Variants in CLCN5 observed in about 807,000 individuals in gnomAD.
CLCN5 encodes the protein H(+)/Cl(-) exchange transporter 5.
CLCN5 carries 17 observed loss-of-function variants against 54.0 expected under a neutral mutation model. The observed-to-expected ratio is 0.31, with a 90% CI of 0.22 to 0.47. The LOEUF (loss-of-function observed/expected upper bound fraction) is 0.47. Ranked by LOEUF, CLCN5 falls within the 20% of genes least tolerant of loss-of-function variation. The pLI, the probability that CLCN5 is intolerant of heterozygous loss-of-function variation, is 1.00. For synonymous variants in CLCN5, 222 were observed against 233.0 expected (o/e 0.95, Z 0.43); for missense variants, 448 against 646.7 (o/e 0.69, Z 3.33).
chrX:50,013,124 C>T (rs937408162), intron 3 of CLCN5: 3 of 230,847 alleles, frequency 1.3e-5, no homozygotes, highest in Middle Eastern at 7.5e-4. Flanking sequence ...ACACTTTAAT[C>T]TCAATCTGTC....
intron 3 of CLCN5, among the ~76,000 whole-genome samples, chrX:49,951,998 A>G (rs1411109013): frequency 8.9e-6 from 1 of 112,558 alleles, no homozygotes; most frequent in Non-Finnish European, 1.9e-5. Context: ...GCAAGTGATG[A>G]AACACACATA....
chrX:50,002,830 G>A (rs1376614916), intron 3 of CLCN5, among the ~76,000 whole-genome samples: 4 of 110,254 alleles, frequency 3.6e-5, no homozygotes, highest in African/African-American at 3.3e-5. Context: ...ATCTGTTCTC[G>A]TATGTGTGTT....
At chrX:50,033,439 T>C (rs1437320252) in intron 3 of CLCN5, among the ~76,000 whole-genome samples, 1 of 111,036 alleles carries the variant, frequency 9.0e-6, no homozygotes, top group Admixed American at 9.6e-5. Flanking sequence ...GAGAATAAAA[T>C]ACCTAGGAAT....
chrX:49,925,268 T>C lies in CLCN5; in HGVS notation c.-31T>C. On this transcript the variant is annotated 5_prime_UTR_variant, in exon 3 of 15. Transcript: ENST00000376091. ...GAGAGGCTCTGGGAAACTCAGCCTGTGACCCCAGCGTGGGTGAAGATAGGA... is the reference window on the plus strand; with the variant it reads ...GAGAGGCTCTGGGAAACTCAGCCTGCGACCCCAGCGTGGGTGAAGATAGGA... The C allele has an allele frequency of 1.7e-6, 2 of 1,208,022 alleles. No homozygotes were observed. Among genetic ancestry groups the C allele is most frequent in the South Asian group, 1.8e-5 (1 of 56,837 alleles).
chrX:50,019,477 T>A (rs1352531090), intron 3 of CLCN5, among the ~76,000 whole-genome samples: 5 of 94,168 alleles, frequency 5.3e-5, no homozygotes, highest in Admixed American at 2.3e-4. Context: ...TCTTTTTTTT[T>A]TTTTTTTTTT....
intron 3 of CLCN5, among the ~76,000 whole-genome samples, chrX:49,969,706 G>T (rs1928105313): frequency 1.8e-5 from 2 of 112,040 alleles, no homozygotes; most frequent in South Asian, 7.4e-4. Context: ...TTAGTAAACT[G>T]TTCTGTGTGC....
chrX:50,029,161 CT>C (rs782406144), intron 3 of CLCN5, among the ~76,000 whole-genome samples: 3 of 110,636 alleles, frequency 2.7e-5, no homozygotes, highest in African/African-American at 6.6e-5. Flanking sequence ...ACTTTCTATT[CT>C]TTTTTTTTAT....
chrX:50,030,348 CATTAT>C (rs1931637423), intron 3 of CLCN5, among the ~76,000 whole-genome samples: 1 of 111,035 alleles, frequency 9.0e-6, no homozygotes, highest in Non-Finnish European at 1.9e-5. Flanking sequence ...ATTCTTTTAT[CATTAT>C]ATTTTCTAGT....
At chrX:50,091,991 C>G in intron 14 of CLCN5, 138 bp from the exon 15 acceptor site, 1 of 506,556 alleles carries the variant, frequency 2.0e-6, no homozygotes, top group Non-Finnish European at 3.5e-6. Context: ...TGTCCTACTC[C>G]TGTGATCTCA....
At chrX:50,057,431 T>C (rs1380557143) in intron 4 of CLCN5, among the ~76,000 whole-genome samples, 2 of 58,868 alleles carry the variant, frequency 3.4e-5, no homozygotes, top group East Asian at 1.4e-3. Flanking sequence ...AGGACTCTCC[T>C]GGATAGATAC....
chrX:50,001,421 A>G (rs782674843), intron 3 of CLCN5, among the ~76,000 whole-genome samples: 2 of 110,681 alleles, frequency 1.8e-5, no homozygotes, highest in African/African-American at 3.3e-5. Flanking sequence ...ATTTTTTTGA[A>G]GGAGCTGATT....
chrX:50,014,343 A>T (rs933485942), intron 3 of CLCN5, among the ~76,000 whole-genome samples: 2 of 112,024 alleles, frequency 1.8e-5, no homozygotes, highest in Non-Finnish European at 3.8e-5. Context: ...CTGTGCTGCC[A>T]GGGCAGTGGG....
intron 3 of CLCN5, among the ~76,000 whole-genome samples, chrX:50,012,979 G>C: frequency 9.0e-6 from 1 of 111,647 alleles, no homozygotes; most frequent in Non-Finnish European, 1.9e-5. Context: ...GACTGTGGCA[G>C]GGAAGCCATC....
chrX:49,942,871 A>G (rs1161711245), intron 3 of CLCN5, among the ~76,000 whole-genome samples: 5 of 108,391 alleles, frequency 4.6e-5, no homozygotes, highest in Non-Finnish European at 7.7e-5. Context: ...ACATACGTGT[A>G]CATGTGTCTT....
In CLCN5 at chrX:50,072,492, A is replaced by G; in HGVS notation, c.319A>G (p.Thr107Ala). Residue 107 changes from threonine (T) to alanine (A), a missense_variant, in exon 6 of 15, where the codon ACC becomes GCC. By Grantham distance (58) the Thr-to-Ala change is moderately conservative. Transcript: ENST00000376091. ...SRDRDRHREITNKSKESTWAL... is the reference protein window; with the variant it reads ...SRDRDRHREIANKSKESTWAL... ...ATGTTTTCTCATTTTCCCCTAGATT[A>G]CCAATAAAAGCAAAGAGTCAACATG... 8.4e-7 allele frequency: 1 copy of G among 1,193,424 alleles called. No individual in the cohort carries two copies. The highest frequency in any genetic ancestry group is 1.8e-5 in the South Asian group (1 of 56,553).
At chrX:49,973,344 A>G (rs1015529981) in intron 3 of CLCN5, among the ~76,000 whole-genome samples, 22 of 111,110 alleles carry the variant, frequency 2.0e-4, no homozygotes, top group African/African-American at 6.6e-4. Context: ...TCTTTTTTTT[A>G]GTTTTAATGT....
chrX:49,935,950 T>C (rs1557169596), intron 3 of CLCN5, among the ~76,000 whole-genome samples: 1 of 110,405 alleles, frequency 9.1e-6, no homozygotes, highest in East Asian at 2.9e-4. Context: ...GAATGGGGAG[T>C]GTCTCATTCA....
intron 3 of CLCN5, chrX:50,009,157 G>C: frequency 3.7e-6 from 1 of 269,010 alleles, no homozygotes; most frequent in Non-Finnish European, 7.3e-6. Context: ...AGACAGCTAA[G>C]GTCCCTGGGC....
At chrX:50,079,463 G>C (rs1557192703) in intron 7 of CLCN5, among the ~76,000 whole-genome samples, 1 of 112,131 alleles carries the variant, frequency 8.9e-6, no homozygotes, top group African/African-American at 3.2e-5. Flanking sequence ...AATCAAAATT[G>C]CTTTTTTTGT....
Sources: allele counts gnomAD v4.1 joint callset (sites outside exome capture counted in the v4.1 genomes callset), GRCh38; gene constraint gnomAD v4.1.1; transcripts MANE v1.5; gene names NCBI Gene and HGNC (gene_info 2026-07-23, HGNC 2026-07-21).